RNF13: variants seen among roughly 807,000 people sequenced by gnomAD.
RNF13 encodes E3 ubiquitin-protein ligase RNF13.
A neutral mutation model predicts 37.7 loss-of-function variants in RNF13; 19 were observed. The observed-to-expected ratio is 0.50, with a 90% CI of 0.35 to 0.74. The LOEUF is 0.74. Ranked by LOEUF, RNF13 falls within the 30% of genes least tolerant of loss-of-function variation. The pLI, the probability that RNF13 is intolerant of heterozygous loss-of-function variation, is 0.01. For synonymous variants in RNF13, 144 were observed against 157.8 expected (o/e 0.91, Z 0.65); for missense variants, 375 against 453.0 (o/e 0.83, Z 1.56).
Position 149,889,366 on chromosome 3 carries a change from G to A in RNF13, c.322-6107G>A, listed in dbSNP as rs191744337. 8.8e-3 allele frequency among the ~76,000 whole-genome samples: 1,311 copies of A among 149,548 alleles called. 13 individuals are homozygous for A. Among genetic ancestry groups the A allele is most frequent in the Non-Finnish European group, 0.014 (911 of 67,478 alleles). On this transcript the variant is annotated intron_variant, in intron 4 of 9. Transcript: ENST00000392894. ...GTTGCCCAGGCTGGAGTGCAGTGGC[G>A]TGATCTCAGCTCACTGCAACCTCCA...
At position 149,840,463 on chromosome 3, in the gene RNF13, G is replaced by C. The variant is rs144473716; in HGVS notation, c.-16-5548G>C. ...CACAAGGAGGAGGAAAAGGATAAAG[G>C]GTAGATGTTTGTTATCAGCAAGATT... On this transcript the variant is annotated intron_variant, in intron 1 of 9. Transcript: ENST00000392894. Among the ~76,000 whole-genome samples the C allele has an allele frequency of 4.5e-3, 681 of 152,152 alleles. 2 individuals carry two copies. Among genetic ancestry groups the C allele is most frequent in the African/African-American group, 0.016 (653 of 41,496 alleles).
chr3:149,825,681 C>T (rs1187434452), intron 1 of RNF13, among the ~76,000 whole-genome samples: 1 of 152,212 alleles, frequency 6.6e-6, no homozygotes. Flanking sequence ...GAATTTCAGC[C>T]TCAGGCTCTC....
At chr3:149,905,894 A>G (rs1458001617) in intron 6 of RNF13, among the ~76,000 whole-genome samples, 2 of 152,198 alleles carry the variant, frequency 1.3e-5, no homozygotes, top group African/African-American at 2.4e-5. Flanking sequence ...GAGTATATTT[A>G]TAGAATTCTG....
chr3:149,865,473 C>T (rs985105603), intron 3 of RNF13, among the ~76,000 whole-genome samples: 1 of 151,542 alleles, frequency 6.6e-6, no homozygotes, highest in Non-Finnish European at 1.5e-5. Context: ...CCTCCTGTTT[C>T]GTTTTTTTGA....
chr3:149,885,244 C>T (rs1245085991), intron 4 of RNF13, among the ~76,000 whole-genome samples: 3 of 151,946 alleles, frequency 2.0e-5, no homozygotes, highest in Non-Finnish European at 4.4e-5. Context: ...GGAATATACC[C>T]AGCACTGAGG....
intron 1 of RNF13, among the ~76,000 whole-genome samples, chr3:149,818,949 C>T (rs1013935601): frequency 6.6e-6 from 1 of 152,034 alleles, no homozygotes; most frequent in Non-Finnish European, 1.5e-5. Context: ...AGAGAATCCC[C>T]TGGCTTATCT....
chr3:149,881,367 G>C (rs1053863524), intron 4 of RNF13, among the ~76,000 whole-genome samples: 1 of 151,926 alleles, frequency 6.6e-6, no homozygotes, highest in Non-Finnish European at 1.5e-5. Flanking sequence ...GTCTTGCTCT[G>C]TTGCCCAGGC....
At chr3:149,885,715 G>A (rs1039873220) in intron 4 of RNF13, among the ~76,000 whole-genome samples, 2 of 151,996 alleles carry the variant, frequency 1.3e-5, no homozygotes, top group Non-Finnish European at 2.9e-5. Context: ...TTCCTTTGCT[G>A]CGTGGAAGGC....
intron 2 of RNF13, among the ~76,000 whole-genome samples, chr3:149,848,971 A>G (rs1722895554): frequency 2.0e-5 from 3 of 152,208 alleles, no homozygotes; most frequent in Admixed American, 1.3e-4. Flanking sequence ...CAGGAATTCA[A>G]TAAACGTTTG....
chr3:149,885,273 G>A (rs1477079601), intron 4 of RNF13, among the ~76,000 whole-genome samples: 1 of 151,938 alleles, frequency 6.6e-6, no homozygotes, highest in East Asian at 1.9e-4. Context: ...TCATATGGCA[G>A]CTCTATTTTT....
intron 6 of RNF13, among the ~76,000 whole-genome samples, chr3:149,905,272 AC>A (rs1716274528): frequency 6.6e-6 from 1 of 152,188 alleles, no homozygotes. Context: ...GCTTATTTTT[AC>A]TAATCAGATA....
At chr3:149,957,156 A>G (rs928035560) in intron 8 of RNF13, among the ~76,000 whole-genome samples, 1 of 152,224 alleles carries the variant, frequency 6.6e-6, no homozygotes, top group Non-Finnish European at 1.5e-5. Context: ...ATGTAATTGT[A>G]AATCCACTCA....
Position 149,961,146 on chromosome 3 carries a change from GGTATATACT to G in RNF13, c.*46_*54del, listed in dbSNP as rs1722375291. 1 of 1,510,964 alleles carries G rather than the reference GGTATATACT, an allele frequency of 6.6e-7. No individual in the cohort carries two copies. The highest frequency in any genetic ancestry group is 8.9e-7 in the Non-Finnish European group (1 of 1,122,336). The allele number at this position is 1,510,964 out of a possible 1,614,324, so 93.6% of individuals were successfully genotyped here. A position where few individuals can be genotyped will look rare whatever the true frequency, so the allele number is the denominator to read the frequency against. On this transcript the variant is annotated 3_prime_UTR_variant, in exon 10 of 10. Coordinates refer to ENST00000392894, the MANE Select transcript of RNF13 (RefSeq NM_183381.3). Reference sequence around the variant, plus strand: ...GGTTTATTTCCCTTTAAAATGATTAGGTATATACTGTAATTTGATTTTTTGCTCCCTTCA... The same window carrying G: ...GGTTTATTTCCCTTTAAAATGATTAGGTAATTTGATTTTTTGCTCCCTTCA...
intron 3 of RNF13, among the ~76,000 whole-genome samples, chr3:149,853,455 G>GAGAGAGA (rs1723306052): frequency 8.5e-6 from 1 of 117,262 alleles, no homozygotes; most frequent in Admixed American, 9.0e-5. Context: ...AGAGAGAGAG[G>GAGAGAGA]GAGAGAGAGA....
At chr3:149,908,290 T>G (rs1438688066) in intron 6 of RNF13, among the ~76,000 whole-genome samples, 2 of 152,150 alleles carry the variant, frequency 1.3e-5, no homozygotes, top group African/African-American at 4.8e-5. Flanking sequence ...TGCTGGGGTG[T>G]GGCCTTTGGG....
rs572903533 is a variant in RNF13 at position 149,827,378 on chromosome 3, C to A, written c.-17+14025C>A. Among the ~76,000 whole-genome samples the A allele has an allele frequency of 2.6e-5, 4 of 152,244 alleles. No individual in the cohort carries two copies. In the East Asian group the frequency reaches 7.7e-4, roughly 29 times the overall value. On this transcript the variant is annotated intron_variant, in intron 1 of 9. Coordinates refer to ENST00000392894, the MANE Select transcript of RNF13 (RefSeq NM_183381.3). ...GGGCAGTCCTGGCACCAGTCTCTCA[C>A]AGACACCGAGGATGACTGTATATAT...
At chr3:149,826,421 CT>C (rs1224009230) in intron 1 of RNF13, among the ~76,000 whole-genome samples, 1 of 152,152 alleles carries the variant, frequency 6.6e-6, no homozygotes, top group East Asian at 1.9e-4. Flanking sequence ...TGCCCTTTCT[CT>C]TTTTTGATCA....
intron 8 of RNF13, among the ~76,000 whole-genome samples, chr3:149,948,493 T>C (rs190015991): frequency 1.2e-3 from 177 of 152,316 alleles, no homozygotes; most frequent in Non-Finnish European, 1.8e-3. Context: ...TTTCCCTTTG[T>C]ATATATTCTA....
intron 4 of RNF13, among the ~76,000 whole-genome samples, chr3:149,874,775 G>A (rs1238007026): frequency 6.6e-6 from 1 of 152,080 alleles, no homozygotes; most frequent in African/African-American, 2.4e-5. Flanking sequence ...CACCTATCAA[G>A]GTAGTGTGAC....
Sources: gnomAD v4.1 joint callset for allele counts (sites outside exome capture counted in the v4.1 genomes callset) on GRCh38, gnomAD v4.1.1 for gene constraint, MANE v1.5 for transcripts, NCBI Gene and HGNC (gene_info 2026-07-23, HGNC 2026-07-21) for gene names.